AKAP7: variants seen among roughly 807,000 people sequenced by gnomAD.
AKAP7 encodes A kinase (PRKA) anchor protein 7.
In AKAP7, 39 loss-of-function variants were observed where a neutral mutation model predicts 39.5. The observed-to-expected ratio is 0.99, with a 90% confidence interval of 0.76 to 1.29. The LOEUF (loss-of-function observed/expected upper bound fraction) is 1.29, where lower values mean the gene tolerates loss of function less well. AKAP7 is among the 50% of genes most tolerant of loss of function. The pLI, the probability that AKAP7 is intolerant of heterozygous loss-of-function variation, is 0.00. For missense variants in AKAP7, 414 were observed against 407.7 expected (o/e 1.02, Z -0.13); for synonymous variants, 140 against 139.1 (o/e 1.01, Z -0.05).
chr6:131,262,957 G>A (rs1196819432), intron 7 of AKAP7, among the ~76,000 whole-genome samples: 1 of 152,136 alleles, frequency 6.6e-6, no homozygotes. Context: ...GTGTTCTCAC[G>A]GCTTCAGGTT....
chr6:131,166,585 C>G (rs77797858), intron 4 of AKAP7, among the ~76,000 whole-genome samples: 12 of 152,180 alleles, frequency 7.9e-5, no homozygotes, highest in African/African-American at 2.9e-4. Context: ...CTCAGTCAGT[C>G]TGGGGACAGA....
At chr6:131,145,487 T>A in intron 2 of AKAP7, 71 bp downstream of exon 2, 7 of 1,059,166 alleles carry the variant, frequency 6.6e-6, no homozygotes, top group Non-Finnish European at 8.7e-6. Context: ...ATATATTTTT[T>A]TCTTTATAAG....
intron 7 of AKAP7, among the ~76,000 whole-genome samples, chr6:131,223,564 C>G (rs77977744): frequency 6.6e-6 from 1 of 152,210 alleles, no homozygotes; most frequent in Non-Finnish European, 1.5e-5. Flanking sequence ...TGTAAGAGAG[C>G]TGTCTTCCAT....
chr6:131,253,246 AT>A, intron 7 of AKAP7: 2 of 782,472 alleles, frequency 2.6e-6, no homozygotes, highest in Non-Finnish European at 3.9e-6. Flanking sequence ...GCAAATGATG[AT>A]TTTTTTAAAT....
rs370955322 is a variant in AKAP7, at chr6:131,160,034, G to A, written c.152-25G>A. On this transcript the variant is annotated intron_variant, in intron 2 of 7. Coordinates refer to ENST00000431975, the MANE Select transcript of AKAP7 (RefSeq NM_016377.4). The stretch of plus-strand genomic sequence containing the variant: ...TTATCTTTGTTTAAATGTATTAGAC[G>A]TATTGTTTGACTTTTTTCCTCTAGT... 1.9e-4 allele frequency: 302 copies of A among 1,554,866 alleles called. No homozygotes were observed. In the African/African-American group the frequency reaches 3.4e-3, roughly 17 times the overall value.
At chr6:131,225,253 G>GT (rs1216744930) in intron 7 of AKAP7, among the ~76,000 whole-genome samples, 2 of 151,848 alleles carry the variant, frequency 1.3e-5, no homozygotes, top group Admixed American at 1.3e-4. Flanking sequence ...TGCTTTTTAA[G>GT]TTTTTTTTGG....
chr6:131,238,659 C>A (rs961316815), intron 7 of AKAP7, among the ~76,000 whole-genome samples: 11 of 152,050 alleles, frequency 7.2e-5, no homozygotes, highest in African/African-American at 2.7e-4. Flanking sequence ...ACCATTATGT[C>A]ATGACCTTCT....
chr6:131,136,817 A>G (rs760389359), intron 1 of AKAP7: 11 of 982,440 alleles, frequency 1.1e-5, no homozygotes, highest in African/African-American at 1.7e-5. Flanking sequence ...GTTGATTTCT[A>G]CGCAGCTGTC....
intron 7 of AKAP7, among the ~76,000 whole-genome samples, chr6:131,247,209 A>T (rs1812065171): frequency 7.0e-6 from 1 of 143,838 alleles, no homozygotes; most frequent in African/African-American, 2.5e-5. Flanking sequence ...AGCCTCTAAC[A>T]TTATCTAGCT....
chr6:131,137,340 A>AT (rs1800640304), intron 1 of AKAP7: 1 of 151,478 alleles, frequency 6.6e-6, no homozygotes, highest in Admixed American at 6.6e-5. Context: ...GGAAACCTGC[A>AT]TTTTGTGTGA....
intron 5 of AKAP7, among the ~76,000 whole-genome samples, chr6:131,187,163 A>G (rs983773663): frequency 5.3e-5 from 8 of 152,242 alleles, no homozygotes; most frequent in African/African-American, 1.9e-4. Context: ...AGAAAATACC[A>G]TTGGGATTTT....
At chr6:131,249,601 A>G (rs147254449) in intron 7 of AKAP7, among the ~76,000 whole-genome samples, 5 of 152,306 alleles carry the variant, frequency 3.3e-5, no homozygotes, top group East Asian at 3.9e-4. Flanking sequence ...CTAGAGTGTC[A>G]TAAACTAAGG....
intron 2 of AKAP7, among the ~76,000 whole-genome samples, chr6:131,159,802 A>C (rs1042686821): frequency 6.6e-6 from 1 of 152,254 alleles, no homozygotes; most frequent in Non-Finnish European, 1.5e-5. Context: ...TTGAAAATAA[A>C]GCAGGAACAC....
intron 1 of AKAP7, among the ~76,000 whole-genome samples, chr6:131,144,474 A>AT (rs1207432090): frequency 6.6e-6 from 1 of 152,224 alleles, no homozygotes; most frequent in Non-Finnish European, 1.5e-5. Context: ...TTATATTAGT[A>AT]TTCCAGGATT....
chr6:131,212,927 A>T (rs1808810537), intron 6 of AKAP7, among the ~76,000 whole-genome samples: 1 of 152,216 alleles, frequency 6.6e-6, no homozygotes, highest in Non-Finnish European at 1.5e-5. Context: ...GGCTACAATT[A>T]GTGATGTCTG....
upstream of AKAP7, among the ~76,000 whole-genome samples, chr6:131,133,393 T>C (rs980047648): frequency 7.9e-5 from 12 of 152,228 alleles, no homozygotes; most frequent in Non-Finnish European, 2.9e-5. Flanking sequence ...TAGTCCCCAT[T>C]TGTCTTTGCT....
intron 1 of AKAP7, among the ~76,000 whole-genome samples, chr6:131,142,172 G>A (rs1017551718): frequency 1.3e-5 from 2 of 152,186 alleles, no homozygotes; most frequent in Non-Finnish European, 2.9e-5. Context: ...GGGCTGTGAA[G>A]GAACCACTTG....
chr6:131,150,450 G>A (rs922947100), intron 2 of AKAP7, among the ~76,000 whole-genome samples: 1 of 152,076 alleles, frequency 6.6e-6, no homozygotes, highest in Non-Finnish European at 1.5e-5. Flanking sequence ...ATAGTAGGTG[G>A]TTACCCTGAG....
intron 2 of AKAP7, 72 bp downstream of exon 2, chr6:131,145,488 T>C (rs753364561): frequency 2.9e-5 from 30 of 1,033,202 alleles, no homozygotes; most frequent in Admixed American, 6.5e-5. Context: ...TATATTTTTT[T>C]CTTTATAAGT....
Sources: gnomAD v4.1 joint callset for allele counts (sites outside exome capture counted in the v4.1 genomes callset) on GRCh38, gnomAD v4.1.1 for gene constraint, MANE v1.5 for transcripts, NCBI Gene and HGNC (gene_info 2026-07-23, HGNC 2026-07-21) for gene names.